CSMD1: variants seen among roughly 807,000 people sequenced by gnomAD.
CSMD1 encodes the protein CUB and Sushi multiple domains 1, also known as CUB and sushi domain-containing protein 1.
In CSMD1, 213 loss-of-function variants were observed where a neutral mutation model predicts 417.5. That is an observed-to-expected ratio of 0.51 (90% CI 0.46 to 0.57). The LOEUF (loss-of-function observed/expected upper bound fraction) is 0.57, where lower values mean the gene tolerates loss of function less well. Among genes scored for constraint, CSMD1 ranks in the 20% least tolerant of loss-of-function variants. CSMD1 has a pLI of 0.00. For synonymous variants in CSMD1, 2,862 were observed against 1,736.8 expected (o/e 1.65, Z -16.11); for missense variants, 6,923 against 4,529.7 (o/e 1.53, Z -15.17).
intron 54 of CSMD1, among the ~76,000 whole-genome samples, chr8:2,979,864 G>T (rs962293004): frequency 6.6e-6 from 1 of 152,142 alleles, no homozygotes; most frequent in Non-Finnish European, 1.5e-5. Context: ...TGAAGTTCGG[G>T]CAAATAATTT....
chr8:4,888,497 TGATA>T (rs1435002381), intron 1 of CSMD1, among the ~76,000 whole-genome samples: 4 of 151,518 alleles, frequency 2.6e-5, no homozygotes, highest in East Asian at 1.9e-4. Context: ...AAGGATAGAC[TGATA>T]GATGAGAGAG....
At chr8:4,874,210 T>A (rs2116927079) in intron 1 of CSMD1, among the ~76,000 whole-genome samples, 1 of 152,204 alleles carries the variant, frequency 6.6e-6, no homozygotes, top group African/African-American at 2.4e-5. Flanking sequence ...ATTAATAAGA[T>A]CAAGAAAGCC....
intron 5 of CSMD1, among the ~76,000 whole-genome samples, chr8:3,953,564 G>T (rs946717329): frequency 6.6e-6 from 1 of 152,034 alleles, no homozygotes; most frequent in Non-Finnish European, 1.5e-5. Flanking sequence ...GACTTCCCTG[G>T]GATAGATAAT....
chr8:4,310,123 C>G (rs1017098623), intron 3 of CSMD1, among the ~76,000 whole-genome samples: 4 of 152,144 alleles, frequency 2.6e-5, no homozygotes, highest in African/African-American at 7.2e-5. Flanking sequence ...CCCATTCATC[C>G]CTGCTCCTAG....
At chr8:3,036,135 C>A (rs762381655) in intron 50 of CSMD1, among the ~76,000 whole-genome samples, 1 of 152,198 alleles carries the variant, frequency 6.6e-6, no homozygotes. Context: ...ACACAAAATA[C>A]TTTGCATTTT....
chr8:4,380,001 A>AGGACT (rs1215825728), intron 3 of CSMD1, among the ~76,000 whole-genome samples: 1 of 152,236 alleles, frequency 6.6e-6, no homozygotes, highest in Non-Finnish European at 1.5e-5. Context: ...TATTGCAGAG[A>AGGACT]GGACTGCTGA....
At chr8:3,347,382 A>G (rs1190973566) in intron 22 of CSMD1, among the ~76,000 whole-genome samples, 1 of 152,186 alleles carries the variant, frequency 6.6e-6, no homozygotes, top group Non-Finnish European at 1.5e-5. Context: ...GGATTTTGTC[A>G]ATCAACGCAG....
chr8:3,644,046 C>T (rs1797449267), intron 7 of CSMD1, among the ~76,000 whole-genome samples: 1 of 152,186 alleles, frequency 6.6e-6, no homozygotes. Flanking sequence ...CACAAGGAAT[C>T]AAAGCTTCCA....
intron 25 of CSMD1, among the ~76,000 whole-genome samples, chr8:3,298,349 G>A (rs11777638): frequency 0.75 from 113,615 of 152,126 alleles, 42,992 homozygotes; most frequent in Middle Eastern, 0.82. Context: ...ATGTCCATCA[G>A]CACCCAGAAT....
intron 28 of CSMD1, among the ~76,000 whole-genome samples, chr8:3,221,043 T>G (rs1798180868): frequency 6.6e-6 from 1 of 152,060 alleles, no homozygotes; most frequent in Non-Finnish European, 1.5e-5. Flanking sequence ...TTTGTTTGTT[T>G]GTTTTGTAAT....
chr8:3,695,364 A>G (rs1800492897), intron 7 of CSMD1, among the ~76,000 whole-genome samples: 1 of 152,066 alleles, frequency 6.6e-6, no homozygotes, highest in Admixed American at 6.6e-5. Context: ...ACCACAAAAA[A>G]AAATAATGAC....
intron 2 of CSMD1, among the ~76,000 whole-genome samples, chr8:4,636,153 G>A (rs533043572): frequency 6.6e-6 from 1 of 151,896 alleles, no homozygotes; most frequent in Non-Finnish European, 1.5e-5. Flanking sequence ...TATGATTCTT[G>A]TGTGTATTAC....
intron 1 of CSMD1, among the ~76,000 whole-genome samples, chr8:4,650,765 T>C (rs1316871127): frequency 1.3e-5 from 2 of 152,224 alleles, no homozygotes; most frequent in Non-Finnish European, 2.9e-5. Context: ...TATTTAAGCA[T>C]GGTTATTCAG....
chr8:4,044,776 G>A (rs146939898), intron 3 of CSMD1, among the ~76,000 whole-genome samples: 9 of 26,286 alleles, frequency 3.4e-4, no homozygotes, highest in South Asian at 2.1e-3. Flanking sequence ...CACCCTAGCC[G>A]TGTAGCACCC....
chr8:3,957,724 AGG>A (rs1491372106), intron 5 of CSMD1, among the ~76,000 whole-genome samples: 6 of 150,824 alleles, frequency 4.0e-5, no homozygotes, highest in Admixed American at 1.3e-4. Context: ...GAAAAGAAAA[AGG>A]AAAAGAAATG....
At chr8:4,025,240 T>A (rs1797001925) in intron 4 of CSMD1, among the ~76,000 whole-genome samples, 1 of 152,212 alleles carries the variant, frequency 6.6e-6, no homozygotes, top group Non-Finnish European at 1.5e-5. Flanking sequence ...ATTTTCTAAA[T>A]ACAAATATTT....
intron 1 of CSMD1, among the ~76,000 whole-genome samples, chr8:4,847,250 A>G (rs995651652): frequency 6.6e-6 from 1 of 152,326 alleles, no homozygotes; most frequent in East Asian, 1.9e-4. Context: ...TTGATGATGC[A>G]TTATATCTTT....
intron 2 of CSMD1, among the ~76,000 whole-genome samples, chr8:4,619,522 T>G (rs969777739): frequency 1.3e-5 from 2 of 152,056 alleles, no homozygotes; most frequent in African/African-American, 4.8e-5. Context: ...TAACTCTGAG[T>G]CCAAACGTTT....
At chr8:4,623,094 T>C (rs1233340555) in intron 2 of CSMD1, among the ~76,000 whole-genome samples, 1 of 152,132 alleles carries the variant, frequency 6.6e-6, no homozygotes, top group Non-Finnish European at 1.5e-5. Context: ...ATAATACATA[T>C]TTCAGTCAAA....
Sources: gnomAD v4.1 joint callset for allele counts (sites outside exome capture counted in the v4.1 genomes callset) on GRCh38, gnomAD v4.1.1 for gene constraint, MANE v1.5 for transcripts, NCBI Gene and HGNC (gene_info 2026-07-23, HGNC 2026-07-21) for gene names.